Variants in PTPRD observed in about 807,000 individuals in gnomAD.
PTPRD encodes receptor-type tyrosine-protein phosphatase delta.
A neutral mutation model predicts 214.5 loss-of-function variants in PTPRD; 34 were observed. The observed-to-expected ratio is 0.16, with a 90% CI of 0.12 to 0.21. The LOEUF is 0.21. Ranked by LOEUF, PTPRD falls within the 10% of genes least tolerant of loss-of-function variation. The pLI is 1.00. For missense variants in PTPRD, 2,545 were observed against 2,398.7 expected (o/e 1.06, Z -1.27); for synonymous variants, 1,128 against 845.7 (o/e 1.33, Z -5.79).
intron 12 of PTPRD, among the ~76,000 whole-genome samples, chr9:8,654,399 C>T (rs1038317194): frequency 6.6e-6 from 1 of 152,290 alleles, no homozygotes; most frequent in African/African-American, 2.4e-5. Flanking sequence ...GATATTACAA[C>T]GCTCACCAAG....
chr9:8,716,151 G>C (rs2098433315), intron 12 of PTPRD, among the ~76,000 whole-genome samples: 1 of 152,166 alleles, frequency 6.6e-6, no homozygotes, highest in Admixed American at 6.5e-5. Context: ...CTAATAACTT[G>C]ACTCCAGAGG....
intron 4 of PTPRD, among the ~76,000 whole-genome samples, chr9:9,955,812 A>G (rs748046486): frequency 1.9e-4 from 29 of 152,086 alleles, no homozygotes; most frequent in South Asian, 4.2e-4. Flanking sequence ...GTGAGCCACC[A>G]CGCCCGGCCT....
At chr9:10,584,419 GCCTCTAGATTTTCCTCAATAAAACACCT>G (rs1253307630) in intron 2 of PTPRD, among the ~76,000 whole-genome samples, 2 of 152,140 alleles carry the variant, frequency 1.3e-5, no homozygotes, top group Non-Finnish European at 2.9e-5. Flanking sequence ...ATTTGCAGTA[GCCTCTAGATTTTCCTCAATAAAACACCT>G]ACTTTGGTGC....
intron 3 of PTPRD, among the ~76,000 whole-genome samples, chr9:10,323,386 C>A (rs2096589921): frequency 6.7e-6 from 1 of 150,112 alleles, no homozygotes; most frequent in African/African-American, 2.5e-5. Context: ...TCTCAGCCTC[C>A]TGGGCTCTAA....
intron 9 of PTPRD, among the ~76,000 whole-genome samples, chr9:9,243,235 C>T (rs2099971277): frequency 6.6e-6 from 1 of 152,094 alleles, no homozygotes; most frequent in Non-Finnish European, 1.5e-5. Flanking sequence ...GCTACCATTC[C>T]TTCTGAAACT....
chr9:8,389,208 A>G (rs764595700), intron 37 of PTPRD, 24 bp downstream of exon 37: 16 of 1,577,910 alleles, frequency 1.0e-5, no homozygotes, highest in Non-Finnish European at 2.6e-6. Context: ...TTTTAAAAGG[A>G]AAGAGGTGGA....
At chr9:9,167,710 G>A (rs1274594583) in intron 10 of PTPRD, among the ~76,000 whole-genome samples, 4 of 151,994 alleles carry the variant, frequency 2.6e-5, no homozygotes, top group Admixed American at 1.3e-4. Context: ...AGCCGAGATC[G>A]CGCCATTGCA....
At chr9:9,296,957 T>G (rs1953291299) in intron 9 of PTPRD, among the ~76,000 whole-genome samples, 1 of 151,782 alleles carries the variant, frequency 6.6e-6, no homozygotes, top group African/African-American at 2.4e-5. Context: ...ATCTGAAATC[T>G]GGGGCAGTCT....
chr9:9,275,117 TATTA>T (rs1390671300), intron 9 of PTPRD, among the ~76,000 whole-genome samples: 1 of 54,752 alleles, frequency 1.8e-5, no homozygotes, highest in African/African-American at 7.8e-5. Flanking sequence ...ATTATATATA[TATTA>T]TATATATTAT....
At chr9:9,822,318 G>A (rs1040962816) in intron 5 of PTPRD, among the ~76,000 whole-genome samples, 5 of 151,388 alleles carry the variant, frequency 3.3e-5, no homozygotes, top group African/African-American at 1.2e-4. Context: ...GGCTGAGGCA[G>A]GAGAATCACT....
Position 10,482,410 on chromosome 9 carries a change from C to A in PTPRD, c.-600+129988G>T, listed in dbSNP as rs546438108. Among the ~76,000 whole-genome samples, 198 of 151,546 alleles carry A rather than the reference C, an allele frequency of 1.3e-3. 1 individual carries two copies. The highest frequency in any genetic ancestry group is 2.7e-3 in the Admixed American group (41 of 15,216). On this transcript the variant is annotated intron_variant, in intron 2 of 45. Transcript: ENST00000381196. Reference sequence around the variant, plus strand: ...TAAATAAGTAAATAAATAAATCAATCAATAATATTATAACAATAATTAGGC... The same window carrying A: ...TAAATAAGTAAATAAATAAATCAATAAATAATATTATAACAATAATTAGGC...
intron 8 of PTPRD, among the ~76,000 whole-genome samples, chr9:9,567,845 T>C (rs987834520): frequency 1.3e-5 from 2 of 151,892 alleles, no homozygotes; most frequent in Non-Finnish European, 2.9e-5. Flanking sequence ...ATATGACACA[T>C]TTGATAGAAG....
At chr9:9,609,525 C>T (rs1480477991) in intron 7 of PTPRD, among the ~76,000 whole-genome samples, 5 of 152,128 alleles carry the variant, frequency 3.3e-5, no homozygotes, top group African/African-American at 1.2e-4. Flanking sequence ...TGCAGTGGTG[C>T]AATCTTGGTT....
chr9:9,967,118 T>C (rs1429776502), intron 4 of PTPRD, among the ~76,000 whole-genome samples: 3 of 152,170 alleles, frequency 2.0e-5, no homozygotes, highest in African/African-American at 7.2e-5. Context: ...TCAAGTTCTG[T>C]AGTCAGTCTG....
intron 5 of PTPRD, among the ~76,000 whole-genome samples, chr9:9,936,279 G>C (rs1719178740): frequency 6.6e-6 from 1 of 151,184 alleles, no homozygotes; most frequent in South Asian, 2.1e-4. Context: ...ACTACCATCA[G>C]AGTGAACAGG....
intron 10 of PTPRD, among the ~76,000 whole-genome samples, chr9:9,019,379 A>G (rs2099553939): frequency 1.3e-5 from 2 of 151,736 alleles, no homozygotes; most frequent in African/African-American, 4.8e-5. Flanking sequence ...TTTTAAAATT[A>G]GGCTGAGGGC....
At chr9:10,464,623 A>G (rs2098981411) in intron 2 of PTPRD, among the ~76,000 whole-genome samples, 1 of 152,130 alleles carries the variant, frequency 6.6e-6, no homozygotes, top group Non-Finnish European at 1.5e-5. Flanking sequence ...AGGAAATAAA[A>G]ATTATAATAG....
At chr9:10,475,973 G>T (rs1287490849) in intron 2 of PTPRD, among the ~76,000 whole-genome samples, 1 of 151,962 alleles carries the variant, frequency 6.6e-6, no homozygotes, top group Non-Finnish European at 1.5e-5. Context: ...GATATTGATA[G>T]AAGATATCTC....
At chr9:10,605,563 A>G (rs1223529918) in intron 2 of PTPRD, among the ~76,000 whole-genome samples, 1 of 151,758 alleles carries the variant, frequency 6.6e-6, no homozygotes, top group East Asian at 1.9e-4. Flanking sequence ...CTGCCTAATA[A>G]GCAACACAGC....
Sources: gnomAD v4.1 joint callset for allele counts (sites outside exome capture counted in the v4.1 genomes callset) on GRCh38, gnomAD v4.1.1 for gene constraint, MANE v1.5 for transcripts, NCBI Gene and HGNC (gene_info 2026-07-23, HGNC 2026-07-21) for gene names.